Variants in AGAP1 observed in about 807,000 individuals in gnomAD.
AGAP1 encodes the protein arf-GAP with GTPase, ANK repeat and PH domain-containing protein 1.
In AGAP1, 29 loss-of-function variants were observed where a neutral mutation model predicts 105.3. That is an observed-to-expected ratio of 0.28 (90% CI 0.21 to 0.38). AGAP1 has a LOEUF of 0.38. AGAP1 is among the 10% of genes least tolerant of loss of function. The probability of loss-of-function intolerance (pLI) is 1.00; values close to 1 mark genes in which losing one functional copy is unlikely to be tolerated. For missense variants in AGAP1, 998 were observed against 1,165.1 expected (o/e 0.86, Z 2.09); for synonymous variants, 509 against 485.9 (o/e 1.05, Z -0.63).
chr2:235,791,958 A>G (rs185621526), intron 6 of AGAP1, among the ~76,000 whole-genome samples: 1 of 152,270 alleles, frequency 6.6e-6, no homozygotes, highest in Admixed American at 6.5e-5. Flanking sequence ...CTTTTAAAAT[A>G]TTTTCGTGGA....
chr2:235,910,539 A>G (rs571862555), intron 11 of AGAP1, among the ~76,000 whole-genome samples: 1 of 152,334 alleles, frequency 6.6e-6, no homozygotes, highest in East Asian at 1.9e-4. Flanking sequence ...AGAAGGGCAC[A>G]AGAAAGAAAA....
intron 8 of AGAP1, among the ~76,000 whole-genome samples, chr2:235,804,727 T>C (rs962795040): frequency 6.6e-6 from 1 of 152,186 alleles, no homozygotes; most frequent in Non-Finnish European, 1.5e-5. Context: ...CATCGAGTGT[T>C]TGTTGGAGGC....
chr2:235,771,694 C>A (rs1955462692), intron 6 of AGAP1, among the ~76,000 whole-genome samples: 1 of 152,152 alleles, frequency 6.6e-6, no homozygotes, highest in African/African-American at 2.4e-5. Context: ...GCGTCAGTTA[C>A]ATCTTGTGCA....
intron 1 of AGAP1, among the ~76,000 whole-genome samples, chr2:235,651,281 C>CAATGGATG (rs2149323398): frequency 6.8e-6 from 1 of 147,168 alleles, no homozygotes; most frequent in South Asian, 2.3e-4. Flanking sequence ...GGGAACGACT[C>CAATGGATG]AATGGATGAT....
At chr2:236,004,277 C>T (rs760697072) in intron 13 of AGAP1, among the ~76,000 whole-genome samples, 1 of 152,078 alleles carries the variant, frequency 6.6e-6, no homozygotes, top group Non-Finnish European at 1.5e-5. Flanking sequence ...CCCAGCTTAG[C>T]GTGACCCAAG....
rs1486020543 is a variant in AGAP1, at chr2:235,737,360, A to G, written c.311-3603A>G. 6.6e-6 allele frequency among the ~76,000 whole-genome samples: 1 copy of G among 152,246 alleles called. No individual in the cohort carries two copies. Among genetic ancestry groups the G allele is most frequent in the Non-Finnish European group, 1.5e-5 (1 of 68,044 alleles). ...AAAAGAACTGTTAATTATACTCTGTATCTGCCGGGGGAATGTAAACTGACT... is the reference window on the plus strand; with the variant it reads ...AAAAGAACTGTTAATTATACTCTGTGTCTGCCGGGGGAATGTAAACTGACT... On this transcript the variant is annotated intron_variant, in intron 3 of 17. Transcript: ENST00000304032. This position sits in a 1 kb window ranked among gnomAD's most constrained non-coding sequence, Gnocchi z 4.5.
rs891464314 is a variant in AGAP1 at position 235,494,432 on chromosome 2, C to A, written c.-255C>A. 1.4e-5 allele frequency: 2 copies of A among 142,366 alleles called. No homozygotes were observed. The highest frequency in any genetic ancestry group is 5.0e-5 in the African/African-American group (2 of 39,804). The allele number at this position is 142,366 out of a possible 1,614,324, so 8.8% of individuals were successfully genotyped here. A position where few individuals can be genotyped will look rare whatever the true frequency, so the allele number is the denominator to read the frequency against. On this transcript the variant is annotated 5_prime_UTR_variant, in exon 1 of 18. Transcript: ENST00000304032. ...GCGGCGCGCTCCATGGGGGCGCGCT[C>A]CCCCCGGGCGGCCCGCTGACCCGGG...
rs575139427 is a variant in AGAP1 at position 235,843,983 on chromosome 2, G to C, written c.1050+36652G>C. On this transcript the variant is annotated intron_variant, in intron 9 of 17. Coordinates refer to ENST00000304032, the MANE Select transcript of AGAP1 (RefSeq NM_001037131.3). The surrounding 1 kb of genome is among the most constrained non-coding windows in gnomAD (Gnocchi z 5.9). The stretch of plus-strand genomic sequence containing the variant: ...ACTCAGGACCTTGCCCGCTGCCCCA[G>C]CTCAGAGCTTGAACCTCTCCCTCTT... Among the ~76,000 whole-genome samples, 3 of 152,330 alleles carry C rather than the reference G, an allele frequency of 2.0e-5. No individual in the cohort carries two copies. In the South Asian group the frequency reaches 6.2e-4, roughly 32 times the overall value.
chr2:235,498,168 A>G (rs1403394241), intron 1 of AGAP1, among the ~76,000 whole-genome samples: 9 of 152,206 alleles, frequency 5.9e-5, no homozygotes, highest in Admixed American at 5.2e-4. Flanking sequence ...GCTCCCAAAT[A>G]AAAACACATC....
At chr2:235,771,708 A>G (rs114217559) in intron 6 of AGAP1, among the ~76,000 whole-genome samples, 2,200 of 152,206 alleles carry the variant, frequency 0.014, 47 homozygotes, top group African/African-American at 0.051. Context: ...TTGTGCAGTC[A>G]GGGGCTCCCT....
At chr2:236,026,168 G>A (rs1278301234) in intron 13 of AGAP1, among the ~76,000 whole-genome samples, 2 of 152,246 alleles carry the variant, frequency 1.3e-5, no homozygotes, top group African/African-American at 4.8e-5. Context: ...GATAAGAGGG[G>A]AAGGCACTCT....
At chr2:236,094,496 C>T (rs1243405141) in intron 16 of AGAP1, among the ~76,000 whole-genome samples, 1 of 151,802 alleles carries the variant, frequency 6.6e-6, no homozygotes, top group Non-Finnish European at 1.5e-5. Context: ...CAAATACAGG[C>T]ACAGACTACC....
intron 9 of AGAP1, among the ~76,000 whole-genome samples, chr2:235,822,613 G>C (rs901577876): frequency 6.6e-6 from 1 of 152,144 alleles, no homozygotes; most frequent in Non-Finnish European, 1.5e-5. Context: ...GGAATGGGGA[G>C]AAGCTGAAGA....
At position 235,721,522 on chromosome 2, in the gene AGAP1, ATATG is replaced by A. The variant is rs570211936; in HGVS notation, c.310+3884_310+3887del. The stretch of plus-strand genomic sequence containing the variant: ...GTGTGTGTACACCTAGGTGTGTAAT[ATATG>A]TATGTGTACTTCAGTCCTAGCACTG... On this transcript the variant is annotated intron_variant, in intron 3 of 17. Transcript: ENST00000304032. This position sits in a 1 kb window ranked among gnomAD's most constrained non-coding sequence, Gnocchi z 4.5. Among the ~76,000 whole-genome samples, 340 of 151,786 alleles carry A rather than the reference ATATG, an allele frequency of 2.2e-3. No individual in the cohort carries two copies. Among genetic ancestry groups the A allele is most frequent in the African/African-American group, 7.9e-3 (325 of 41,210 alleles).
rs750072863 is a variant in AGAP1 at position 235,960,364 on chromosome 2, C to T, written c.1484-8098C>T. On this transcript the variant is annotated intron_variant, in intron 12 of 17. Transcript: ENST00000304032. The surrounding 1 kb of genome is among the most constrained non-coding windows in gnomAD (Gnocchi z 4.9). ...TCTGAAAAGCTTGCCTCCTTCTCCCCGCAGTGGCCAGGACAAGGCTCACAT... is the reference window on the plus strand; with the variant it reads ...TCTGAAAAGCTTGCCTCCTTCTCCCTGCAGTGGCCAGGACAAGGCTCACAT... Among the ~76,000 whole-genome samples, 6 of 152,178 alleles carry T rather than the reference C, an allele frequency of 3.9e-5. No individual in the cohort carries two copies. Among genetic ancestry groups the T allele is most frequent in the East Asian group, 1.9e-4 (1 of 5,186 alleles).
chr2:235,760,087 A>G (rs1047775078), intron 6 of AGAP1, among the ~76,000 whole-genome samples: 2 of 152,196 alleles, frequency 1.3e-5, no homozygotes, highest in Non-Finnish European at 2.9e-5. Flanking sequence ...GTAAATACAA[A>G]TACAGAAGAT....
chr2:235,683,131 C>T (rs747717725), intron 1 of AGAP1, among the ~76,000 whole-genome samples: 1 of 152,002 alleles, frequency 6.6e-6, no homozygotes, highest in Non-Finnish European at 1.5e-5. Flanking sequence ...CATGGTGAAA[C>T]CCCCATCTCT....
chr2:235,938,636 A>G (rs1015980820), intron 12 of AGAP1, among the ~76,000 whole-genome samples: 1 of 152,240 alleles, frequency 6.6e-6, no homozygotes, highest in African/African-American at 2.4e-5. Flanking sequence ...GTTTGTCTGC[A>G]GAAACGCTGT....
At chr2:235,703,668 G>A (rs1950375499) in intron 1 of AGAP1, among the ~76,000 whole-genome samples, 1 of 150,310 alleles carries the variant, frequency 6.7e-6, no homozygotes, top group African/African-American at 2.4e-5. Flanking sequence ...GCACAATCTC[G>A]GCTTACCACA....
Sources: allele counts gnomAD v4.1 joint callset (sites outside exome capture counted in the v4.1 genomes callset), GRCh38; gene constraint gnomAD v4.1.1; non-coding constraint Gnocchi (gnomAD v3.1); transcripts MANE v1.5; gene names NCBI Gene and HGNC (gene_info 2026-07-23, HGNC 2026-07-21).